RYR3: variants seen among roughly 807,000 people sequenced by gnomAD.
RYR3 encodes the protein ryanodine receptor 3.
A neutral mutation model predicts 584.3 loss-of-function variants in RYR3; 207 were observed. The observed-to-expected ratio is 0.35, with a 90% CI of 0.32 to 0.40. The LOEUF is 0.40. Ranked by LOEUF, RYR3 falls within the 10% of genes least tolerant of loss-of-function variation. The pLI, the probability that RYR3 is intolerant of heterozygous loss-of-function variation, is 1.00. For missense variants in RYR3, 5,616 were observed against 6,089.2 expected (o/e 0.92, Z 2.59); for synonymous variants, 2,416 against 2,248.5 (o/e 1.07, Z -2.11).
intron 27 of RYR3, among the ~76,000 whole-genome samples, chr15:33,639,918 G>A (rs184112969): frequency 6.6e-6 from 1 of 152,272 alleles, no homozygotes; most frequent in Admixed American, 6.5e-5. Flanking sequence ...TTTGCTATTA[G>A]CCTTCTCTTT....
At chr15:33,862,462 C>G (rs1317464420) in intron 102 of RYR3, among the ~76,000 whole-genome samples, 2 of 152,178 alleles carry the variant, frequency 1.3e-5, no homozygotes, top group Non-Finnish European at 2.9e-5. Flanking sequence ...CCACCTTGGC[C>G]TCCCAGAGTG....
At position 33,537,407 on chromosome 15, in the gene RYR3, C is replaced by CTAG. The variant is rs1479722559; in HGVS notation, c.434-1942_434-1941insAGT. Among the ~76,000 whole-genome samples the CTAG allele has an allele frequency of 9.1e-3, 1,391 of 152,230 alleles. 24 individuals carry two copies. Among genetic ancestry groups the CTAG allele is most frequent in the African/African-American group, 0.032 (1,313 of 41,522 alleles). On this transcript the variant is annotated intron_variant, in intron 5 of 103. Transcript: ENST00000634891. Reference sequence around the variant, plus strand: ...GTTTTTTGCCTTCTTGGTTTACCACCTCACTGTGGTGGAACACATTATCTA... The same window carrying CTAG: ...GTTTTTTGCCTTCTTGGTTTACCACCTAGTCACTGTGGTGGAACACATTATCTA...
intron 81 of RYR3, among the ~76,000 whole-genome samples, chr15:33,823,927 A>C (rs1399533351): frequency 6.6e-6 from 1 of 152,222 alleles, no homozygotes; most frequent in Non-Finnish European, 1.5e-5. Flanking sequence ...TACTTTTGCT[A>C]ACCATATTTC....
At chr15:33,528,380 C>T (rs550173463) in intron 3 of RYR3, among the ~76,000 whole-genome samples, 1 of 152,306 alleles carries the variant, frequency 6.6e-6, no homozygotes, top group East Asian at 1.9e-4. Context: ...CAGACCTTTG[C>T]CCACATGTGC....
intron 38 of RYR3, among the ~76,000 whole-genome samples, chr15:33,678,244 C>A (rs767636950): frequency 5.3e-5 from 8 of 152,180 alleles, no homozygotes; most frequent in Non-Finnish European, 8.8e-5. Context: ...GTAATCCCCA[C>A]GTGTTGAAGC....
chr15:33,859,267 T>G (rs2080076957), intron 99 of RYR3, among the ~76,000 whole-genome samples: 1 of 152,192 alleles, frequency 6.6e-6, no homozygotes, highest in Non-Finnish European at 1.5e-5. Context: ...GAGGAAAAAT[T>G]ATTATATGGC....
intron 18 of RYR3, among the ~76,000 whole-genome samples, chr15:33,606,075 C>G (rs1219139634): frequency 1.3e-5 from 2 of 152,202 alleles, no homozygotes; most frequent in Non-Finnish European, 2.9e-5. Context: ...GTGCCTCTAA[C>G]ACTTTGTCCA....
At chr15:33,568,540 C>G (rs2057842464) in intron 12 of RYR3, among the ~76,000 whole-genome samples, 1 of 152,030 alleles carries the variant, frequency 6.6e-6, no homozygotes, top group South Asian at 2.1e-4. Flanking sequence ...AAGCAATCCT[C>G]CCACCTTAGC....
chr15:33,573,602 C>G (rs1356689214), intron 12 of RYR3, among the ~76,000 whole-genome samples: 1 of 152,158 alleles, frequency 6.6e-6, no homozygotes. Flanking sequence ...AGAAGAGAGA[C>G]AACAAATAAA....
chr15:33,369,939 C>T (rs2040205654), intron 1 of RYR3, among the ~76,000 whole-genome samples: 1 of 152,224 alleles, frequency 6.6e-6, no homozygotes. Context: ...TCCAAACATT[C>T]ATCCCATACC....
chr15:33,586,355 A>T, intron 16 of RYR3, among the ~76,000 whole-genome samples: 1 of 151,930 alleles, frequency 6.6e-6, no homozygotes, highest in East Asian at 1.9e-4. Context: ...ATTATCATTA[A>T]CCCTTAACAC....
intron 38 of RYR3, among the ~76,000 whole-genome samples, chr15:33,676,594 G>A (rs994787320): frequency 6.6e-6 from 1 of 152,250 alleles, no homozygotes; most frequent in Non-Finnish European, 1.5e-5. Flanking sequence ...TGGGGTCAGT[G>A]TGGGAACAAG....
intron 82 of RYR3, 47 bp downstream of exon 82, chr15:33,825,723 CTTTTTT>C: frequency 4.2e-6 from 2 of 472,612 alleles, no homozygotes; most frequent in East Asian, 7.6e-5. Flanking sequence ...TGATTAAAAT[CTTTTTT>C]TTTTTTTTTT....
chr15:33,742,511 AGTCCT>A (rs1473050539), intron 52 of RYR3, 67 bp downstream of exon 52: 12 of 1,029,092 alleles, frequency 1.2e-5, no homozygotes, highest in Non-Finnish European at 1.5e-6. Context: ...TAAAGGGCCC[AGTCCT>A]GGAAATCTGC....
chr15:33,859,517 T>A, intron 99 of RYR3, 58 bp from the exon 100 acceptor site: 1 of 1,588,518 alleles, frequency 6.3e-7, no homozygotes. Context: ...GATCTGAGCA[T>A]CTTGCTAAAA....
Position 33,838,194 on chromosome 15 carries a change from G to A in RYR3, c.12214G>A (p.Val4072Ile). The A allele has an allele frequency of 6.2e-7, 1 of 1,614,026 alleles. No homozygotes were observed. The highest frequency in any genetic ancestry group is 8.5e-7 in the Non-Finnish European group (1 of 1,179,896). The change falls in exon 89 of 104, where the codon GTT becomes ATT. Residue 4072 changes from valine (V) to isoleucine (I), a missense_variant. Val to Ile is a conservative substitution (Grantham distance 29). Coordinates refer to ENST00000634891, the MANE Select transcript of RYR3 (RefSeq NM_001036.6). ...KESKRQFIFD[V>I]VNEGGEQEKM... ...ATCTAAGCGACAGTTCATTTTTGAT[G>A]TTGTCAATGAAGGTGGGGAGCAGGA...
intron 3 of RYR3, among the ~76,000 whole-genome samples, chr15:33,527,390 GC>G (rs1448468849): frequency 2.0e-5 from 3 of 152,134 alleles, no homozygotes; most frequent in African/African-American, 7.2e-5. Context: ...AGACAGCCTG[GC>G]CAACATGGGA....
In RYR3 at chr15:33,390,311, A is replaced by C. The variant is rs149546010; in HGVS notation, c.51+79215A>C. ...AGTTTGTTCTTTTAGCTGGGCCCACATGGGCCTCAGTACCAGTATACCTGG... is the reference window on the plus strand; with the variant it reads ...AGTTTGTTCTTTTAGCTGGGCCCACCTGGGCCTCAGTACCAGTATACCTGG... On this transcript the variant is annotated intron_variant, in intron 1 of 103. Coordinates refer to ENST00000634891, the MANE Select transcript of RYR3 (RefSeq NM_001036.6). The surrounding 1 kb of genome is among the most constrained non-coding windows in gnomAD (Gnocchi z 4.2). Among the ~76,000 whole-genome samples, 182 of 152,340 alleles carry C rather than the reference A, an allele frequency of 1.2e-3. 1 individual carries two copies. Among genetic ancestry groups the C allele is most frequent in the African/African-American group, 4.2e-3 (173 of 41,594 alleles).
At chr15:33,380,860 A>T (rs539135865) in intron 1 of RYR3, among the ~76,000 whole-genome samples, 1 of 152,368 alleles carries the variant, frequency 6.6e-6, no homozygotes, top group Admixed American at 6.5e-5. Context: ...GGTCAGTATC[A>T]TGGCAATCAA....
Sources: allele counts gnomAD v4.1 joint callset (sites outside exome capture counted in the v4.1 genomes callset), GRCh38; gene constraint gnomAD v4.1.1; non-coding constraint Gnocchi (gnomAD v3.1); transcripts MANE v1.5; gene names NCBI Gene and HGNC (gene_info 2026-07-23, HGNC 2026-07-21).